The following DZIP3 variants were observed in gnomAD, a reference collection of about 807,000 sequenced individuals.
DZIP3 encodes the protein DAZ interacting zinc finger protein 3, also known as E3 ubiquitin-protein ligase DZIP3.
A neutral mutation model predicts 162.0 loss-of-function variants in DZIP3; 118 were observed. That is an observed-to-expected ratio of 0.73 (90% confidence interval 0.63 to 0.85). The LOEUF (loss-of-function observed/expected upper bound fraction) is 0.85, where lower values mean the gene tolerates loss of function less well. Among genes scored for constraint, DZIP3 ranks in the 40% least tolerant of loss-of-function variants. The pLI is 0.00. For missense variants in DZIP3, 1,331 were observed against 1,407.0 expected (o/e 0.95, Z 0.86); for synonymous variants, 438 against 458.6 (o/e 0.96, Z 0.57).
At chr3:108,593,379 T>A (rs1201945740) in intron 1 of DZIP3, among the ~76,000 whole-genome samples, 1 of 152,208 alleles carries the variant, frequency 6.6e-6, no homozygotes, top group Non-Finnish European at 1.5e-5. Context: ...ATCCTATGTT[T>A]TTCTTTGCTT....
At chr3:108,609,632 A>G (rs1940586079) in intron 3 of DZIP3, among the ~76,000 whole-genome samples, 1 of 152,148 alleles carries the variant, frequency 6.6e-6, no homozygotes, top group South Asian at 2.1e-4. Context: ...CTTAAGCTCA[A>G]GAGTTTGAGA....
At chr3:108,650,365 C>G (rs1176663859) in intron 17 of DZIP3, among the ~76,000 whole-genome samples, 1 of 151,636 alleles carries the variant, frequency 6.6e-6, no homozygotes, top group Admixed American at 6.6e-5. Context: ...GGATATTAAG[C>G]ATAAGGACAG....
In DZIP3 at chr3:108,608,347, T is replaced by C. The variant is rs575741690; in HGVS notation, c.102+189T>C. 3.3e-5 allele frequency among the ~76,000 whole-genome samples: 5 copies of C among 152,266 alleles called. No individual in the cohort carries two copies. In the East Asian group the frequency reaches 9.6e-4, roughly 29 times the overall value. On this transcript the variant is annotated intron_variant, in intron 3 of 32. Coordinates refer to ENST00000361582, the MANE Select transcript of DZIP3 (RefSeq NM_014648.4). ...GATGATTGATACTGTATCTCAAGGT[T>C]GTCATTCTAAATACCATTCCTCACC...
Position 108,647,998 on chromosome 3 carries a change from G to A in DZIP3, c.1848G>A (p.Met616Ile). The change falls in exon 16 of 33, where the codon ATG becomes ATA. Residue 616 changes from methionine to isoleucine, a missense_variant. This residue lies in a region of DZIP3 where 1,278 missense variants were observed against 1,317.1 expected (regional missense o/e 0.97). Coordinates refer to ENST00000361582, the MANE Select transcript of DZIP3 (RefSeq NM_014648.4). ...NEEEELSPPL[M>I]EYNINVKSHP... ...AAGAAGAACTAAGTCCACCTCTCATGGAGTACAATATAAATGTGAAATCAC... is the reference window on the plus strand; with the variant it reads ...AAGAAGAACTAAGTCCACCTCTCATAGAGTACAATATAAATGTGAAATCAC... The A allele has an allele frequency of 6.2e-7, 1 of 1,606,624 alleles. No individual in the cohort carries two copies. The highest frequency in any genetic ancestry group is 8.5e-7 in the Non-Finnish European group (1 of 1,177,036).
intron 21 of DZIP3, among the ~76,000 whole-genome samples, chr3:108,667,384 C>T (rs1262314517): frequency 6.6e-6 from 1 of 152,002 alleles, no homozygotes; most frequent in Non-Finnish European, 1.5e-5. Flanking sequence ...TTGAAAAAAG[C>T]CAGTTCCAAA....
chr3:108,654,737 T>G (rs2107251153), intron 19 of DZIP3, among the ~76,000 whole-genome samples: 1 of 152,082 alleles, frequency 6.6e-6, no homozygotes, highest in Middle Eastern at 3.4e-3. Flanking sequence ...AATATTGATG[T>G]ATAATCATTT....
intron 21 of DZIP3, among the ~76,000 whole-genome samples, chr3:108,667,192 G>C (rs1943719513): frequency 6.6e-6 from 1 of 151,620 alleles, no homozygotes; most frequent in African/African-American, 2.4e-5. Context: ...GTTGGAAAAA[G>C]AAAAATAGTA....
Position 108,644,241 on chromosome 3 carries a change from ATTG to A in DZIP3, c.1222_1224del (p.Val408del). 2 of 1,613,718 alleles carry A rather than the reference ATTG, an allele frequency of 1.2e-6. No homozygotes were observed. Among genetic ancestry groups the A allele is most frequent in the Non-Finnish European group, 1.7e-6 (2 of 1,179,866 alleles). ...TATAATTATTATTTCTGGTACTGAC[ATTG>A]TTCGACAAATATTTGATGAGGCTAT... is the stretch of plus-strand genomic sequence containing the variant. On this transcript the variant is annotated inframe_deletion, in exon 14 of 33. Transcript: ENST00000361582.
chr3:108,672,368 T>A (rs962113683), intron 22 of DZIP3, among the ~76,000 whole-genome samples, 192 bp from the exon 23 acceptor site: 1 of 151,962 alleles, frequency 6.6e-6, no homozygotes, highest in African/African-American at 2.4e-5. Context: ...CTGATAAAAC[T>A]TCTATACTCT....
chr3:108,660,277 G>A (rs1201848894), intron 19 of DZIP3, among the ~76,000 whole-genome samples: 1 of 152,166 alleles, frequency 6.6e-6, no homozygotes, highest in African/African-American at 2.4e-5. Context: ...CATGGTACTG[G>A]TACCAAAACA....
chr3:108,621,723 G>T (rs140317374), intron 5 of DZIP3, among the ~76,000 whole-genome samples: 3 of 152,246 alleles, frequency 2.0e-5, no homozygotes, highest in Non-Finnish European at 4.4e-5. Context: ...ACTGAAAATA[G>T]ATCTACCATA....
intron 3 of DZIP3, among the ~76,000 whole-genome samples, chr3:108,610,282 C>T (rs1940629817): frequency 6.6e-6 from 1 of 152,112 alleles, no homozygotes; most frequent in Non-Finnish European, 1.5e-5. Flanking sequence ...TACCGAATAC[C>T]ATGGTTATTT....
chr3:108,693,045 T>C (rs1013080064), intron 32 of DZIP3, among the ~76,000 whole-genome samples: 1 of 151,566 alleles, frequency 6.6e-6, no homozygotes, highest in Non-Finnish European at 1.5e-5. Flanking sequence ...CTGATATGCC[T>C]GTTTTCCACA....
intron 12 of DZIP3, among the ~76,000 whole-genome samples, chr3:108,639,177 C>T (rs566759380): frequency 1.3e-5 from 2 of 152,186 alleles, no homozygotes; most frequent in South Asian, 2.1e-4. Context: ...CATTTACTAA[C>T]GTTTATTACA....
intron 23 of DZIP3, among the ~76,000 whole-genome samples, chr3:108,673,059 A>G (rs1242867352): frequency 6.6e-6 from 1 of 152,032 alleles, no homozygotes; most frequent in Non-Finnish European, 1.5e-5. Context: ...ATACACCTGA[A>G]TGTAAAAAAC....
At chr3:108,603,802 A>G (rs781466813) in intron 1 of DZIP3, among the ~76,000 whole-genome samples, 5 of 152,196 alleles carry the variant, frequency 3.3e-5, no homozygotes, top group Non-Finnish European at 5.9e-5. Flanking sequence ...GGTATGTGGT[A>G]TCATAATTAG....
At chr3:108,689,050 G>A (rs1944596891) in intron 31 of DZIP3, 126 bp downstream of exon 31, 2 of 896,444 alleles carry the variant, frequency 2.2e-6, no homozygotes. Context: ...CTGAGCTTTT[G>A]GGTACCACAC....
chr3:108,639,160 A>G (rs1203522819), intron 12 of DZIP3, among the ~76,000 whole-genome samples: 2 of 152,218 alleles, frequency 1.3e-5, no homozygotes, highest in Non-Finnish European at 2.9e-5. Context: ...CTCTATTTCT[A>G]TCAAAACATT....
intron 19 of DZIP3, among the ~76,000 whole-genome samples, chr3:108,660,795 A>AC (rs1943386334): frequency 3.0e-4 from 1 of 3,296 alleles, no homozygotes; most frequent in South Asian, 0.038. Context: ...TTTACAAGAA[A>AC]AAAACAACCC....
Sources: allele counts gnomAD v4.1 joint callset (sites outside exome capture counted in the v4.1 genomes callset), GRCh38; gene constraint gnomAD v4.1.1; regional missense constraint gnomAD v4.1.1; transcripts MANE v1.5; gene names NCBI Gene and HGNC (gene_info 2026-07-23, HGNC 2026-07-21).